PPP1R3A: variants seen among roughly 807,000 people sequenced by gnomAD.
PPP1R3A encodes the protein RG1.
A neutral mutation model predicts 41.7 loss-of-function variants in PPP1R3A; 29 were observed. That is an observed-to-expected ratio of 0.70 (90% confidence interval 0.52 to 0.95). The LOEUF is 0.95. PPP1R3A is among the 40% of genes least tolerant of loss of function. The pLI, the probability that PPP1R3A is intolerant of heterozygous loss-of-function variation, is 0.00. For synonymous variants in PPP1R3A, 485 were observed against 453.4 expected (o/e 1.07, Z -0.89); for missense variants, 1,352 against 1,292.4 (o/e 1.05, Z -0.71).
At chr7:113,881,973 A>T (rs1270428120) in intron 3 of PPP1R3A, 66 bp downstream of exon 3, 1 of 1,584,376 alleles carries the variant, frequency 6.3e-7, no homozygotes, top group African/African-American at 1.3e-5. Flanking sequence ...AAAGGCAGGC[A>T]TTGCAGCATC....
chr7:113,894,199 A>T (rs1254953637), intron 1 of PPP1R3A, among the ~76,000 whole-genome samples: 1 of 152,130 alleles, frequency 6.6e-6, no homozygotes, highest in South Asian at 2.1e-4. Context: ...ACCAAAAAAC[A>T]TTTAGGTTGC....
intron 1 of PPP1R3A, among the ~76,000 whole-genome samples, chr7:113,908,783 T>C (rs1797188120): frequency 6.6e-6 from 1 of 151,874 alleles, no homozygotes; most frequent in Non-Finnish European, 1.5e-5. Context: ...AAAAAGTATA[T>C]ATACACTATG....
chr7:113,915,075 C>T (rs1797316316), intron 1 of PPP1R3A, among the ~76,000 whole-genome samples: 1 of 151,988 alleles, frequency 6.6e-6, no homozygotes, highest in Non-Finnish European at 1.5e-5. Context: ...CCTTTCGGTG[C>T]AATTAAATAT....
At chr7:113,907,910 TATAA>T (rs1046282526) in intron 1 of PPP1R3A, among the ~76,000 whole-genome samples, 1 of 151,844 alleles carries the variant, frequency 6.6e-6, no homozygotes, top group African/African-American at 2.4e-5. Flanking sequence ...TTTCTTCGCC[TATAA>T]ATAAATTGCA....
intron 1 of PPP1R3A, among the ~76,000 whole-genome samples, chr7:113,896,120 C>T (rs971097143): frequency 3.6e-5 from 5 of 137,212 alleles, no homozygotes; most frequent in African/African-American, 8.1e-5. Flanking sequence ...GGATTCATTA[C>T]GTGCAGACGC....
chr7:113,918,724 A>C lies in PPP1R3A; in HGVS notation c.273T>G (p.Thr91=), dbSNP rs565479938. ...DCWELPSAST[T]FDLGTDIFHT... Reference sequence around the variant, plus strand: ...GGAAAATGTCCGTCCCTAAGTCAAAAGTGGTTGAAGCACTCGGTAATTCCC... The same window carrying C: ...GGAAAATGTCCGTCCCTAAGTCAAACGTGGTTGAAGCACTCGGTAATTCCC... Residue 91 remains threonine, a synonymous_variant, in exon 1 of 4, where the codon ACT becomes ACG. Transcript: ENST00000284601. 3 of 1,613,846 alleles carry C rather than the reference A, an allele frequency of 1.9e-6. No individual in the cohort carries two copies. The highest frequency in any genetic ancestry group is 2.2e-5 in the South Asian group (2 of 91,074).
intron 1 of PPP1R3A, among the ~76,000 whole-genome samples, chr7:113,901,245 A>G (rs2129118451): frequency 6.6e-6 from 1 of 151,862 alleles, no homozygotes; most frequent in African/African-American, 2.4e-5. Context: ...AGCCCCAAGG[A>G]GCGTTAAAAC....
intron 3 of PPP1R3A, 89 bp downstream of exon 3, chr7:113,881,950 G>T: frequency 6.7e-7 from 1 of 1,482,100 alleles, no homozygotes. Flanking sequence ...AATTATATTA[G>T]TTGAAGCTAT....
At chr7:113,893,550 A>T (rs1161402012) in intron 1 of PPP1R3A, among the ~76,000 whole-genome samples, 1 of 152,020 alleles carries the variant, frequency 6.6e-6, no homozygotes, top group African/African-American at 2.4e-5. Flanking sequence ...GATTAAGAAA[A>T]ATACATCGAA....
Position 113,879,347 on chromosome 7 carries a change from GAC to G in PPP1R3A, c.1743_1744del (p.His583PhefsTer22), listed in dbSNP as rs747520600. The G allele has an allele frequency of 6.2e-7, 1 of 1,613,604 alleles. No individual in the cohort carries two copies. The highest frequency in any genetic ancestry group is 8.5e-7 in the Non-Finnish European group (1 of 1,179,734). ...ACTTAAATTTGTCCTTGGTGAATGA[GAC>G]ACATCTGCTGTGATTGCCCGGGTGG... is the stretch of plus-strand genomic sequence containing the variant. On this transcript the variant is annotated frameshift_variant, in exon 4 of 4. Transcript: ENST00000284601. LOFTEE classifies it low-confidence loss of function (END_TRUNC).
intron 1 of PPP1R3A, among the ~76,000 whole-genome samples, chr7:113,882,689 T>C (rs957290653): frequency 2.0e-5 from 3 of 151,976 alleles, no homozygotes; most frequent in African/African-American, 4.8e-5. Flanking sequence ...GTTTTTCTCA[T>C]GGCTTAATGA....
chr7:113,917,228 A>G (rs564389405), intron 1 of PPP1R3A, among the ~76,000 whole-genome samples: 44 of 152,052 alleles, frequency 2.9e-4, no homozygotes, highest in Non-Finnish European at 5.9e-4. Flanking sequence ...TGGTACAGTT[A>G]CCAAAATCCT....
chr7:113,902,523 T>A (rs1335657156), intron 1 of PPP1R3A, among the ~76,000 whole-genome samples: 1 of 151,812 alleles, frequency 6.6e-6, no homozygotes, highest in Non-Finnish European at 1.5e-5. Flanking sequence ...GCTCTCTGCA[T>A]CTCCTGCTGT....
At chr7:113,896,373 T>C (rs1361595888) in intron 1 of PPP1R3A, among the ~76,000 whole-genome samples, 1 of 151,864 alleles carries the variant, frequency 6.6e-6, no homozygotes, top group Non-Finnish European at 1.5e-5. Context: ...TTTATTTATT[T>C]ATTTTGGTTT....
chr7:113,900,794 A>G (rs1293339502), intron 1 of PPP1R3A, among the ~76,000 whole-genome samples: 2 of 148,616 alleles, frequency 1.3e-5, no homozygotes, highest in Admixed American at 6.8e-5. Flanking sequence ...ATATATAATT[A>G]TATATGTATA....
chr7:113,878,973 C>G lies in PPP1R3A; in HGVS notation c.2119G>C (p.Glu707Gln). Reference protein sequence around the residue: ...ATTEELFTCQETVCCELSSLA... With the variant: ...ATTEELFTCQQTVCCELSSLA... ...GAAGACAGTTCACAGCACACTGTTT[C>G]TTGGCAGGTAAACAATTCTTCTGTA... Residue 707 changes from glutamate (E) to glutamine (Q), a missense_variant, in exon 4 of 4, where the codon GAA becomes CAA. Coordinates refer to ENST00000284601, the MANE Select transcript of PPP1R3A (RefSeq NM_002711.4). 1 of 1,613,332 alleles carries G rather than the reference C, an allele frequency of 6.2e-7. No homozygotes were observed. The highest frequency in any genetic ancestry group is 8.5e-7 in the Non-Finnish European group (1 of 1,179,810).
chr7:113,893,292 T>C (rs1185611977), intron 1 of PPP1R3A, among the ~76,000 whole-genome samples: 3 of 151,994 alleles, frequency 2.0e-5, no homozygotes, highest in African/African-American at 7.2e-5. Context: ...AAAACAAAAA[T>C]GCTGGTAGAA....
intron 1 of PPP1R3A, among the ~76,000 whole-genome samples, chr7:113,906,724 T>C (rs1272957462): frequency 1.3e-5 from 2 of 151,890 alleles, no homozygotes; most frequent in African/African-American, 4.8e-5. Flanking sequence ...ATGAGAAAAC[T>C]ATTTGGCATT....
intron 1 of PPP1R3A, among the ~76,000 whole-genome samples, chr7:113,902,683 T>C (rs1163067263): frequency 6.6e-6 from 1 of 151,880 alleles, no homozygotes; most frequent in Non-Finnish European, 1.5e-5. Context: ...CTCTGATCAA[T>C]TGTTACCTTC....
Sources: allele counts gnomAD v4.1 joint callset (sites outside exome capture counted in the v4.1 genomes callset), GRCh38; gene constraint gnomAD v4.1.1; transcripts MANE v1.5; gene names NCBI Gene and HGNC (gene_info 2026-07-23, HGNC 2026-07-21).